ECEL1: variants seen among roughly 807,000 people sequenced by gnomAD.
The protein encoded by ECEL1 is endothelin converting enzyme like 1.
In ECEL1, 87 loss-of-function variants were observed where a neutral mutation model predicts 101.8. The ratio of observed to expected loss-of-function variants is 0.85; its 90% CI spans 0.72 to 1.02. The LOEUF (loss-of-function observed/expected upper bound fraction) is 1.02, where lower values mean the gene tolerates loss of function less well. Among genes scored for constraint, ECEL1 ranks in the 50% least tolerant of loss-of-function variants. The pLI is 0.00. For synonymous variants in ECEL1, 487 were observed against 468.7 expected, an observed-to-expected ratio of 1.04 and a Z score of -0.50; for missense variants, 1,032 against 1,079.2, an observed-to-expected ratio of 0.96 and a Z score of 0.61.
In ECEL1 at chr2:232,484,026, T is replaced by C; in HGVS notation, c.1382A>G (p.His461Arg). The C allele has an allele frequency of 6.2e-7, 1 of 1,607,898 alleles. No individual in the cohort carries two copies. ...CTTGGCTTTGCTGGCAGCTGAGAAG[T>C]GCTCATGTACAAAGAGGGCGCCAAG... is the stretch of plus-strand genomic sequence containing the variant. ...MALGALFVHEHFSAASKAKVQ... is the reference protein window; with the variant it reads ...MALGALFVHERFSAASKAKVQ... Residue 461 changes from histidine to arginine, a missense_variant, in exon 7 of 18, where the codon CAC (histidine) becomes CGC (arginine). Transcript: ENST00000304546.
chr2:232,485,276 G>A lies in ECEL1; in HGVS notation c.787-9C>T. On this transcript the variant is annotated splice_polypyrimidine_tract_variant and intron_variant, in intron 2 of 17. Coordinates refer to ENST00000304546, the MANE Select transcript of ECEL1 (RefSeq NM_004826.4). ...AGCCCATCCTGGTCAATCTGGGGAG[G>A]GAGACAGGGGCCACAGGTCAGAGGC... is the stretch of plus-strand genomic sequence containing the variant. The A allele has an allele frequency of 6.2e-7, 1 of 1,613,026 alleles. No homozygotes were observed. The highest frequency in any genetic ancestry group is 8.5e-7 in the Non-Finnish European group (1 of 1,179,920).
chr2:232,485,146 A>T (rs1575078020), intron 3 of ECEL1, 53 bp downstream of exon 3: 2 of 1,611,916 alleles, frequency 1.2e-6, no homozygotes, highest in Non-Finnish European at 8.5e-7. Context: ...GCCTGGATCC[A>T]CCCCTCCTGG....
intron 17 of ECEL1, 35 bp from the exon 18 acceptor site, chr2:232,480,287 C>T: frequency 1.2e-6 from 2 of 1,612,094 alleles, no homozygotes; most frequent in African/African-American, 1.3e-5. Flanking sequence ...GTGTTGGGCC[C>T]TGCAGCCACT....
Position 232,484,881 on chromosome 2 carries a change from C to A in ECEL1, c.979G>T (p.Glu327Ter). 6.2e-7 allele frequency: 1 copy of A among 1,613,644 alleles called. No homozygotes were observed. Among genetic ancestry groups the A allele is most frequent in the South Asian group, 1.1e-5 (1 of 91,086 alleles). ...EQQLANITVS[E>*]HDDLRRDVSS... is the part of the protein sequence containing the mutation. ...ACATCTCGCCGTAGGTCGTCATGCT[C>A]TGACACAGTGATCTGTGGGGAGAGA... The change falls in exon 5 of 18, where the codon GAG becomes TAG. Residue 327 changes from glutamate (E) to a stop codon, truncating the protein, a stop_gained. Transcript: ENST00000304546. LOFTEE classifies it high-confidence loss of function.
chr2:232,486,137 C>T lies in ECEL1; in HGVS notation c.517G>A (p.Gly173Ser). 6.4e-7 allele frequency: 1 copy of T among 1,563,562 alleles called. No individual in the cohort carries two copies. Among genetic ancestry groups the T allele is most frequent in the Non-Finnish European group, 8.6e-7 (1 of 1,159,298 alleles). The change falls in exon 2 of 18, where the codon GGC (glycine) becomes AGC (serine). Residue 173 changes from glycine to serine, a missense_variant. Gly to Ser is a moderately conservative substitution (Grantham distance 56, BLOSUM62 0). Coordinates refer to ENST00000304546, the MANE Select transcript of ECEL1 (RefSeq NM_004826.4). ...RLLARPGGGPGGAAQRKVRAF... is the reference protein window; with the variant it reads ...RLLARPGGGPSGAAQRKVRAF... Reference sequence around the variant, plus strand: ...CGCACCTTGCGCTGGGCCGCGCCGCCAGGCCCACCCCCGGGCCGCGCCAGC... The same window carrying T: ...CGCACCTTGCGCTGGGCCGCGCCGCTAGGCCCACCCCCGGGCCGCGCCAGC...
rs375991189 is a variant in ECEL1 at position 232,480,113 on chromosome 2, C to A, written c.*40G>T. ...CCCCGGTAGCCAGCAGGAGGTGATTCGTGCGGGGGCAGTGGGGGCGTGCAG... is the reference window on the plus strand; with the variant it reads ...CCCCGGTAGCCAGCAGGAGGTGATTAGTGCGGGGGCAGTGGGGGCGTGCAG... On this transcript the variant is annotated 3_prime_UTR_variant, in exon 18 of 18. Coordinates refer to ENST00000304546, the MANE Select transcript of ECEL1 (RefSeq NM_004826.4). 2 of 1,595,534 alleles carry A rather than the reference C, an allele frequency of 1.3e-6. No homozygotes were observed. The highest frequency in any genetic ancestry group is 1.7e-6 in the Non-Finnish European group (2 of 1,166,034).
In ECEL1 at chr2:232,482,155, A is replaced by G. The variant is rs909431; in HGVS notation, c.1796+263T>C. On this transcript the variant is annotated intron_variant, in intron 12 of 17. Transcript: ENST00000304546. ...TAGGGGTTTCTCCTCCTACCTCATCATTAGTGTTGCGCCACCTTTGAAACA... is the reference window on the plus strand; with the variant it reads ...TAGGGGTTTCTCCTCCTACCTCATCGTTAGTGTTGCGCCACCTTTGAAACA... Among the ~76,000 whole-genome samples, 35,006 of 152,254 alleles carry G rather than the reference A, an allele frequency of 0.23. 4,499 individuals are homozygous for G. Among genetic ancestry groups the G allele is most frequent in the East Asian group, 0.45 (2,341 of 5,176 alleles).
Position 232,483,538 on chromosome 2 carries a change from C to T in ECEL1, c.1408-24G>A, listed in dbSNP as rs747835515. 7.0e-6 allele frequency: 11 copies of T among 1,581,778 alleles called. No individual in the cohort carries two copies. The East Asian group carries it at 2.5e-4, about 35-fold the overall frequency. On this transcript the variant is annotated intron_variant, in intron 7 of 17. Transcript: ENST00000304546. ...ACCTGCAGGGTCAGGGGTCAGGGAG[C>T]AAGGGTCAACCCAGCAGCCTGGTCT...
chr2:232,486,595 A>T lies in ECEL1; in HGVS notation c.59T>A (p.Val20Glu). The T allele has an allele frequency of 2.7e-6, 4 of 1,468,118 alleles. No individual in the cohort carries two copies. Among genetic ancestry groups the T allele is most frequent in the South Asian group, 2.7e-5 (2 of 75,356 alleles). The allele number at this position is 1,468,118 out of a possible 1,614,324, so 90.9% of individuals were successfully genotyped here. A position where few individuals can be genotyped will look rare whatever the true frequency, so the allele number is the denominator to read the frequency against. ...HYDEFQEVKYVSRCGAGGARG... is the reference protein window; with the variant it reads ...HYDEFQEVKYESRCGAGGARG... ...CGCGCCCCCCGCGCCGCAGCGGCTCACGTACTTGACCTCTTGGAACTCATC... is the reference window on the plus strand; with the variant it reads ...CGCGCCCCCCGCGCCGCAGCGGCTCTCGTACTTGACCTCTTGGAACTCATC... Residue 20 changes from valine to glutamate, a missense_variant, in exon 2 of 18, where the codon GTG (valine) becomes GAG (glutamate). Transcript: ENST00000304546.
chr2:232,487,546 C>A (rs1199734405), intron 1 of ECEL1, among the ~76,000 whole-genome samples, 173 bp downstream of exon 1: 1 of 151,912 alleles, frequency 6.6e-6, no homozygotes, highest in Non-Finnish European at 1.5e-5. Flanking sequence ...CGGCGCCGTG[C>A]GGCGCAGTCC....
At position 232,486,015 on chromosome 2, in the gene ECEL1, C is replaced by G. The variant is rs1227088974; in HGVS notation, c.639G>C (p.Leu213=). Reference sequence around the variant, plus strand: ...CCCCCGGACGCTCCTCCGCGCCGCCCAGGTCCCAGCCCCCGCAGTCCTCGA... The same window carrying G: ...CCCCCGGACGCTCCTCCGCGCCGCCGAGGTCCCAGCCCCCGCAGTCCTCGA... ...EVIEDCGGWD[L]GGAEERPGVA... is the part of the protein sequence containing the mutation. Residue 213 remains leucine (L), a synonymous_variant, in exon 2 of 18, where the codon CTG becomes CTC. Coordinates refer to ENST00000304546, the MANE Select transcript of ECEL1 (RefSeq NM_004826.4). The G allele has an allele frequency of 1.5e-5, 24 of 1,608,376 alleles. No homozygotes were observed. Among genetic ancestry groups the G allele is most frequent in the Non-Finnish European group, 2.0e-5 (24 of 1,178,546 alleles).
chr2:232,481,235 C>A (rs1690570451), intron 14 of ECEL1, 79 bp from the exon 15 acceptor site: 2 of 1,498,132 alleles, frequency 1.3e-6, no homozygotes, highest in Non-Finnish European at 1.8e-6. Context: ...TGGGCCCCAG[C>A]CCCTAATTCC....
rs145393457 is a variant in ECEL1, at chr2:232,484,142, G to A, written c.1266C>T (p.His422=). Residue 422 remains histidine (H), a synonymous_variant, in exon 7 of 18, where the codon CAC becomes CAT. Coordinates refer to ENST00000304546, the MANE Select transcript of ECEL1 (RefSeq NM_004826.4). Reference sequence around the variant, plus strand: ...TGCCCTCCATCTCCTGTGCCAGCTCGTGCAGTGCCTCACGGAATGGCGGGG... The same window carrying A: ...TGCCCTCCATCTCCTGTGCCAGCTCATGCAGTGCCTCACGGAATGGCGGGG... ...HLSPPFREAL[H]ELAQEMEGSD... is the part of the protein sequence containing the mutation. 4.0e-5 allele frequency: 64 copies of A among 1,613,612 alleles called. No individual in the cohort carries two copies. The highest frequency in any genetic ancestry group is 4.9e-5 in the Non-Finnish European group (58 of 1,180,030).
Position 232,480,080 on chromosome 2 carries a change from C to T in ECEL1, c.*73G>A. ...CCCAGAGCGGGGCTGGCACCGGGTG[C>T]ATGCCTGCCCCGGTAGCCAGCAGGA... On this transcript the variant is annotated 3_prime_UTR_variant, in exon 18 of 18. Transcript: ENST00000304546. 1 of 1,477,444 alleles carries T rather than the reference C, an allele frequency of 6.8e-7. No homozygotes were observed. Among genetic ancestry groups the T allele is most frequent in the South Asian group, 1.2e-5 (1 of 84,338 alleles). The allele number at this position is 1,477,444 out of a possible 1,614,324, so 91.5% of individuals were successfully genotyped here.
Position 232,486,195 on chromosome 2 carries a change from G to A in ECEL1, c.459C>T (p.Ile153=), listed in dbSNP as rs767982707. Reference sequence around the variant, plus strand: ...GTAGGCGCTCCTCGTTTTGCTCGCCGATGGCCGCGATGGTGCCATAGGTGA... The same window carrying A: ...GTAGGCGCTCCTCGTTTTGCTCGCCAATGGCCGCGATGGTGCCATAGGTGA... ...DKLTYGTIAA[I]GEQNEERLRR... Residue 153 remains isoleucine, a synonymous_variant, in exon 2 of 18, where the codon ATC becomes ATT. Transcript: ENST00000304546. 3.9e-5 allele frequency: 62 copies of A among 1,596,286 alleles called. No individual in the cohort carries two copies. Among genetic ancestry groups the A allele is most frequent in the Admixed American group, 8.5e-5 (5 of 59,090 alleles).
intron 7 of ECEL1, 30 bp from the exon 8 acceptor site, chr2:232,483,544 TCAA>T: frequency 6.4e-7 from 1 of 1,573,588 alleles, no homozygotes; most frequent in Non-Finnish European, 8.6e-7. Flanking sequence ...GGAGCAAGGG[TCAA>T]CCCAGCAGCC....
chr2:232,484,559 T>C lies in ECEL1; in HGVS notation c.1097A>G (p.Glu366Gly), dbSNP rs763053078. The C allele has an allele frequency of 1.9e-6, 3 of 1,613,778 alleles. No homozygotes were observed. The African/African-American group carries it at 4.0e-5, about 22-fold the overall frequency. The change falls in exon 6 of 18, where the codon GAG becomes GGG. Residue 366 changes from glutamate to glycine, a missense_variant. Coordinates refer to ENST00000304546, the MANE Select transcript of ECEL1 (RefSeq NM_004826.4). Reference protein sequence around the residue: ...WKWLLDQIFQEDFSEEEEVVL... With the variant: ...WKWLLDQIFQGDFSEEEEVVL... ...CACCTCCTCTTCCTCTGAGAAGTCC[T>C]CCTGGAAGATCTGGTCTAGCAGCCA...
At position 232,480,025 on chromosome 2, in the gene ECEL1, G is replaced by T; in HGVS notation, c.*128C>A. The T allele has an allele frequency of 1.2e-6, 1 of 863,552 alleles. No homozygotes were observed. The highest frequency in any genetic ancestry group is 1.8e-6 in the Non-Finnish European group (1 of 548,638). The allele number at this position is 863,552 out of a possible 1,614,324, so 53.5% of individuals were successfully genotyped here. A position where few individuals can be genotyped will look rare whatever the true frequency, so the allele number is the denominator to read the frequency against. On this transcript the variant is annotated 3_prime_UTR_variant, in exon 18 of 18. Coordinates refer to ENST00000304546, the MANE Select transcript of ECEL1 (RefSeq NM_004826.4). ...GAAGTGAGGGGCAGCAGGGGGACCG[G>T]GTCCTGGAGGGGCTGGAAGGCAGGT...
At position 232,480,909 on chromosome 2, in the gene ECEL1, G is replaced by A. The variant is rs1245290448; in HGVS notation, c.2056-96C>T. The A allele has an allele frequency of 1.3e-5, 18 of 1,380,376 alleles. No individual in the cohort carries two copies. In the Admixed American group the frequency reaches 2.3e-4, roughly 18 times the overall value. The allele number at this position is 1,380,376 out of a possible 1,614,324, so 85.5% of individuals were successfully genotyped here. On this transcript the variant is annotated intron_variant, in intron 15 of 17. Coordinates refer to ENST00000304546, the MANE Select transcript of ECEL1 (RefSeq NM_004826.4). ...CTAGGTAGCCCTCCCTGCTCTCCCT[G>A]TGAAGGGGGGCCCGTGAATCCTTCC... is the stretch of plus-strand genomic sequence containing the variant.
Sources: gnomAD v4.1 joint callset for allele counts (sites outside exome capture counted in the v4.1 genomes callset) on GRCh38, gnomAD v4.1.1 for gene constraint, MANE v1.5 for transcripts, NCBI Gene and HGNC (gene_info 2026-07-23, HGNC 2026-07-21) for gene names.